AXDND1: variants seen among roughly 807,000 people sequenced by gnomAD.
AXDND1 encodes the protein axonemal dynein light chain domain-containing protein 1.
A neutral mutation model predicts 137.5 loss-of-function variants in AXDND1; 110 were observed. That is an observed-to-expected ratio of 0.80 (90% CI 0.69 to 0.94). The LOEUF (loss-of-function observed/expected upper bound fraction) is 0.94. AXDND1 is among the 40% of genes least tolerant of loss of function. The probability of loss-of-function intolerance (pLI) is 0.00; values close to 1 mark genes in which losing one functional copy is unlikely to be tolerated. For missense variants in AXDND1, 1,191 were observed against 1,169.8 expected (o/e 1.02, Z -0.26); for synonymous variants, 414 against 399.7 (o/e 1.04, Z -0.43).
At chr1:179,497,185 A>G (rs188361310) in intron 20 of AXDND1, among the ~76,000 whole-genome samples, 88 of 152,216 alleles carry the variant, frequency 5.8e-4, no homozygotes, top group Middle Eastern at 6.8e-3. Context: ...TTCAAATCAA[A>G]TTGGTTGATA....
chr1:179,488,017 A>AGG, intron 18 of AXDND1, among the ~76,000 whole-genome samples: 1 of 132,624 alleles, frequency 7.5e-6, no homozygotes, highest in Admixed American at 7.5e-5. Flanking sequence ...AAAAAAAAAG[A>AGG]GAAATTTCAA....
At chr1:179,468,775 A>G (rs543671223) in intron 17 of AXDND1, 134 bp downstream of exon 17, 20 of 623,304 alleles carry the variant, frequency 3.2e-5, no homozygotes, top group South Asian at 2.5e-4. Context: ...ATAAGTAACC[A>G]TTACCGGTCA....
At chr1:179,415,010 A>G (rs1654480522) in intron 12 of AXDND1, among the ~76,000 whole-genome samples, 1 of 152,220 alleles carries the variant, frequency 6.6e-6, no homozygotes, top group Non-Finnish European at 1.5e-5. Flanking sequence ...TGGGATATTC[A>G]AATTGGGTTG....
intron 4 of AXDND1, among the ~76,000 whole-genome samples, chr1:179,377,952 T>C (rs1647569909): frequency 6.6e-6 from 1 of 152,136 alleles, no homozygotes; most frequent in African/African-American, 2.4e-5. Flanking sequence ...GCAGGTCACC[T>C]GAGGCCAGGA....
At chr1:179,389,800 A>G (rs1649850061) in intron 9 of AXDND1, among the ~76,000 whole-genome samples, 1 of 152,108 alleles carries the variant, frequency 6.6e-6, no homozygotes, top group East Asian at 1.9e-4. Context: ...TTTAGTTCCT[A>G]TATTGTCAGG....
chr1:179,519,939 TTG>T (rs1258897380), intron 21 of AXDND1, among the ~76,000 whole-genome samples: 10 of 152,240 alleles, frequency 6.6e-5, no homozygotes, highest in African/African-American at 2.2e-4. Flanking sequence ...CAATGGTAGT[TTG>T]ATAGGAATAG....
intron 25 of AXDND1, among the ~76,000 whole-genome samples, chr1:179,546,618 C>G (rs1468033020): frequency 6.6e-6 from 1 of 152,168 alleles, no homozygotes; most frequent in Admixed American, 6.5e-5. Flanking sequence ...TTCTAGAAAG[C>G]TGCTCTGGCC....
At chr1:179,528,082 C>T (rs1265578726) in intron 22 of AXDND1, among the ~76,000 whole-genome samples, 2 of 152,136 alleles carry the variant, frequency 1.3e-5, no homozygotes, top group African/African-American at 2.4e-5. Context: ...ACTGTCAGTT[C>T]CTGGAAGCTG....
Position 179,394,046 on chromosome 1 carries a change from A to C in AXDND1, c.1004+3A>C, listed in dbSNP as rs778762762. ...CATGTTATTGAAGAACTGACCAGGT[A>C]AAAACTGTGATTATCTTAAACACAA... On this transcript the variant is annotated splice_donor_region_variant and intron_variant, in intron 10 of 25. Coordinates refer to ENST00000367618, the MANE Select transcript of AXDND1 (RefSeq NM_144696.6). The C allele has an allele frequency of 1.9e-6, 3 of 1,593,822 alleles. No homozygotes were observed. The highest frequency in any genetic ancestry group is 2.6e-6 in the Non-Finnish European group (3 of 1,172,736).
At chr1:179,445,380 T>G (rs148305836) in intron 16 of AXDND1, among the ~76,000 whole-genome samples, 176 bp downstream of exon 16, 1 of 152,264 alleles carries the variant, frequency 6.6e-6, no homozygotes, top group East Asian at 1.9e-4. Context: ...ACATTACAAT[T>G]CACCTATTTA....
At chr1:179,495,097 T>G (rs6425569) in intron 20 of AXDND1, among the ~76,000 whole-genome samples, 100,048 of 152,038 alleles carry the variant, frequency 0.66, 34,129 homozygotes, top group South Asian at 0.81. Context: ...CCAAACTGCC[T>G]TCATTACTAT....
At chr1:179,504,681 T>A (rs1358642025) in intron 20 of AXDND1, among the ~76,000 whole-genome samples, 2 of 152,094 alleles carry the variant, frequency 1.3e-5, no homozygotes, top group East Asian at 3.9e-4. Flanking sequence ...CGCCACCCCA[T>A]CCCCTGACTG....
At position 179,382,067 on chromosome 1, in the gene AXDND1, G is replaced by C. The variant is rs559379283; in HGVS notation, c.582-633G>C. Among the ~76,000 whole-genome samples, 33 of 146,582 alleles carry C rather than the reference G, an allele frequency of 2.3e-4. 1 individual carries two copies. In the South Asian group the frequency reaches 7.1e-3, roughly 32 times the overall value. On this transcript the variant is annotated intron_variant, in intron 6 of 25. Transcript: ENST00000367618. The stretch of plus-strand genomic sequence containing the variant: ...TGGGATTATAGGCATGAGCCACCAC[G>C]CCCAGCCCTTTATTTTTATTTTTTA...
intron 17 of AXDND1, among the ~76,000 whole-genome samples, chr1:179,469,713 G>A (rs972411045): frequency 6.6e-6 from 1 of 152,130 alleles, no homozygotes; most frequent in Non-Finnish European, 1.5e-5. Context: ...TTTGATTCTA[G>A]CTATAATAGA....
At chr1:179,457,967 T>C (rs1245319460) in intron 16 of AXDND1, among the ~76,000 whole-genome samples, 4 of 149,806 alleles carry the variant, frequency 2.7e-5, no homozygotes, top group Non-Finnish European at 5.9e-5. Context: ...TTTTCTCTTT[T>C]TTCTTTTCTT....
chr1:179,422,239 GATATATCAAATATA>G (rs375225749), intron 12 of AXDND1, among the ~76,000 whole-genome samples: 97,148 of 151,342 alleles, frequency 0.64, 31,539 homozygotes, highest in Middle Eastern at 0.7. Flanking sequence ...TTTTGATATA[GATATATCAAATATA>G]TAATTTATAA....
chr1:179,538,906 T>A (rs1042735353), intron 25 of AXDND1, among the ~76,000 whole-genome samples: 1 of 150,622 alleles, frequency 6.6e-6, no homozygotes, highest in African/African-American at 2.4e-5. Context: ...TTTAGGAGAG[T>A]TAGCTCTTGT....
chr1:179,455,896 G>A (rs1661331496), intron 16 of AXDND1: 1 of 189,382 alleles, frequency 5.3e-6, no homozygotes, highest in Non-Finnish European at 1.1e-5. Flanking sequence ...TGTTTTTAAA[G>A]ACATTTATTC....
chr1:179,471,764 C>CT (rs1165860246), intron 17 of AXDND1, among the ~76,000 whole-genome samples: 1 of 152,102 alleles, frequency 6.6e-6, no homozygotes. Context: ...TTAGTTTACT[C>CT]TACCTTTTCC....
Sources: allele counts gnomAD v4.1 joint callset (sites outside exome capture counted in the v4.1 genomes callset), GRCh38; gene constraint gnomAD v4.1.1; transcripts MANE v1.5; gene names NCBI Gene and HGNC (gene_info 2026-07-23, HGNC 2026-07-21).